KIF1B: variants seen among roughly 807,000 people sequenced by gnomAD.
The protein encoded by KIF1B is kinesin-like protein KIF1B.
KIF1B carries 76 observed loss-of-function variants against 241.9 expected under a neutral mutation model. The ratio of observed to expected loss-of-function variants is 0.31; its 90% confidence interval spans 0.26 to 0.38. KIF1B has a LOEUF of 0.38. Ranked by LOEUF, KIF1B falls within the 10% of genes least tolerant of loss-of-function variation. The pLI, the probability that KIF1B is intolerant of heterozygous loss-of-function variation, is 1.00. For missense variants in KIF1B, 1,622 were observed against 2,271.4 expected, an observed-to-expected ratio of 0.71 and a Z score of 5.81; for synonymous variants, 750 against 796.7, an observed-to-expected ratio of 0.94 and a Z score of 0.99.
Position 10,296,654 on chromosome 1 carries a change from A to T in KIF1B, c.1850A>T (p.Gln617Leu). The change falls in exon 20 of 49, where the codon CAG (glutamine) becomes CTG (leucine). Residue 617 changes from glutamine (Q) to leucine (L), a missense_variant. Physicochemically the swap from Gln to Leu is moderately radical, Grantham distance 113. This residue lies in a region of KIF1B where 803 missense variants were observed against 1,112.0 expected (regional missense o/e 0.72). Coordinates refer to ENST00000676179, the MANE Select transcript of KIF1B (RefSeq NM_001365951.3). ...VNGKRVSQPV[Q>L]LRSGNRIIMG... ...GGCAAGAGGGTGTCCCAGCCTGTTC[A>T]GCTGCGCTCAGGTGAGACTGGGAGA... 1 of 1,613,948 alleles carries T rather than the reference A, an allele frequency of 6.2e-7. No homozygotes were observed. The highest frequency in any genetic ancestry group is 8.5e-7 in the Non-Finnish European group (1 of 1,179,878).
Position 10,279,115 on chromosome 1 carries a change from A to T in KIF1B, c.1199A>T (p.Asp400Val). 1 of 1,547,522 alleles carries T rather than the reference A, an allele frequency of 6.5e-7. No homozygotes were observed. Among genetic ancestry groups the T allele is most frequent in the Non-Finnish European group, 8.7e-7 (1 of 1,144,344 alleles). Residue 400 changes from aspartate (D) to valine (V), a missense_variant, in exon 14 of 49, where the codon GAT (aspartate) becomes GTT (valine). Coordinates refer to ENST00000676179, the MANE Select transcript of KIF1B (RefSeq NM_001365951.3). Reference sequence around the variant, plus strand: ...CCTTCAGTTGATCCATTGATCGATGATTACTCTGGAAGTGGAAGCAAATGT... The same window carrying T: ...CCTTCAGTTGATCCATTGATCGATGTTTACTCTGGAAGTGGAAGCAAATGT... ...DIIDIDPLID[D>V]YSGSGSKYLK...
rs144564345 is a variant in KIF1B at position 10,323,970 on chromosome 1, T to C, written c.2445T>C (p.His815=). Residue 815 remains histidine (H), a synonymous_variant, in exon 25 of 49, where the codon CAT becomes CAC. Coordinates refer to ENST00000676179, the MANE Select transcript of KIF1B (RefSeq NM_001365951.3). ...ELLPTEMEKT[H]EDRPFPRTVV... ...TTCCCACTGAGATGGAAAAAACTCA[T>C]GAGGACAGGCCTTTCCCTCGCACAG... 4.3e-6 allele frequency: 7 copies of C among 1,614,044 alleles called. No individual in the cohort carries two copies. The highest frequency in any genetic ancestry group is 5.9e-6 in the Non-Finnish European group (7 of 1,179,996).
rs938626014 is a variant in KIF1B at position 10,374,747 on chromosome 1, T to G, written c.5097-107T>G. 2.7e-5 allele frequency: 31 copies of G among 1,127,914 alleles called. No individual in the cohort carries two copies. Among genetic ancestry groups the G allele is most frequent in the South Asian group, 7.7e-5 (6 of 78,020 alleles). 69.9% of individuals were successfully genotyped at this position (1,127,914 alleles called of 1,614,324 possible). On this transcript the variant is annotated intron_variant, in intron 46 of 48. Transcript: ENST00000676179. The surrounding 1 kb of genome is among the most constrained non-coding windows in gnomAD (Gnocchi z 4.3). ...TAGGCCAAATAGGTCATTTGCCTGT[T>G]TCATCGAATCTAAGGACTTGGCCTA...
intron 2 of KIF1B, among the ~76,000 whole-genome samples, chr1:10,239,994 C>T (rs1304877188): frequency 6.6e-6 from 1 of 152,064 alleles, no homozygotes; most frequent in Non-Finnish European, 1.5e-5. Flanking sequence ...TCTTGGTCTC[C>T]TGACCTCGTG....
At chr1:10,317,569 C>G (rs1651353957) in intron 22 of KIF1B, among the ~76,000 whole-genome samples, 1 of 151,382 alleles carries the variant, frequency 6.6e-6, no homozygotes, top group African/African-American at 2.5e-5. Flanking sequence ...CACTGGCTCA[C>G]ATCTATAATC....
chr1:10,375,835 G>A (rs1638872261), intron 48 of KIF1B, among the ~76,000 whole-genome samples: 1 of 114,828 alleles, frequency 8.7e-6, no homozygotes, highest in South Asian at 2.8e-4. Context: ...GCTCTTGTGT[G>A]GCCCAGGCTG....
intron 5 of KIF1B, among the ~76,000 whole-genome samples, chr1:10,265,806 A>C (rs1648427994): frequency 6.6e-6 from 1 of 152,112 alleles, no homozygotes; most frequent in South Asian, 2.1e-4. Flanking sequence ...GCCATGTTTG[A>C]GCCACTGCAC....
intron 11 of KIF1B, among the ~76,000 whole-genome samples, 194 bp downstream of exon 11, chr1:10,275,697 T>G (rs1649061773): frequency 6.6e-6 from 1 of 152,170 alleles, no homozygotes; most frequent in Non-Finnish European, 1.5e-5. Context: ...CAGGGTATAC[T>G]CCCATATCTC....
chr1:10,225,272 G>T (rs981293711), intron 1 of KIF1B, among the ~76,000 whole-genome samples: 9 of 152,004 alleles, frequency 5.9e-5, no homozygotes, highest in Non-Finnish European at 1.3e-4. Context: ...AGCTGAGATG[G>T]TTCCACTGCA....
At chr1:10,344,245 C>T (rs1039875721) in intron 34 of KIF1B, among the ~76,000 whole-genome samples, 2 of 152,232 alleles carry the variant, frequency 1.3e-5, no homozygotes, top group Admixed American at 1.3e-4. Flanking sequence ...TTTTCTCTTT[C>T]TGCCAGTTCC....
chr1:10,357,858 A>G (rs1051871338), intron 38 of KIF1B, among the ~76,000 whole-genome samples: 1 of 151,942 alleles, frequency 6.6e-6, no homozygotes, highest in Non-Finnish European at 1.5e-5. Flanking sequence ...AAAATAAAAA[A>G]ATTAGCCAGA....
chr1:10,282,137 G>A (rs1649434508), intron 14 of KIF1B, among the ~76,000 whole-genome samples, 185 bp from the exon 15 acceptor site: 1 of 152,176 alleles, frequency 6.6e-6, no homozygotes, highest in South Asian at 2.1e-4. Flanking sequence ...CACTATTAAA[G>A]ACAGACATGT....
At position 10,320,056 on chromosome 1, in the gene KIF1B, A is replaced by G; in HGVS notation, c.2129A>G (p.Lys710Arg). 1 of 1,612,436 alleles carries G rather than the reference A, an allele frequency of 6.2e-7. No individual in the cohort carries two copies. The highest frequency in any genetic ancestry group is 1.1e-5 in the South Asian group (1 of 91,028). The change falls in exon 23 of 49, where the codon AAA becomes AGA. Residue 710 changes from lysine to arginine, a missense_variant. Physicochemically the swap from Lys to Arg is conservative, Grantham distance 26 (BLOSUM62 2). Transcript: ENST00000676179. ...CTTTTCATTCAGGACTATGAGAGTAAATTGCAGGCCTTGCAGAAGCAGGTT... is the reference window on the plus strand; with the variant it reads ...CTTTTCATTCAGGACTATGAGAGTAGATTGCAGGCCTTGCAGAAGCAGGTT... ...LEQQRLDYES[K>R]LQALQKQVET...
Position 10,303,449 on chromosome 1 carries a change from G to A in KIF1B, c.2115+6203G>A. ...GTTGCTCTCAATGACTTCAGGCACA[G>A]TCGGCAGGAGATTGAAGCCCTGGCC... On this transcript the variant is annotated intron_variant, in intron 22 of 48. Coordinates refer to ENST00000676179, the MANE Select transcript of KIF1B (RefSeq NM_001365951.3). The surrounding 1 kb of genome is among the most constrained non-coding windows in gnomAD (Gnocchi z 5.2). 1 of 1,614,210 alleles carries A rather than the reference G, an allele frequency of 6.2e-7. No individual in the cohort carries two copies. The highest frequency in any genetic ancestry group is 1.1e-5 in the South Asian group (1 of 91,090).
At chr1:10,307,712 G>A (rs927462726) in intron 22 of KIF1B, 4 of 1,026,252 alleles carry the variant, frequency 3.9e-6, no homozygotes, top group East Asian at 1.3e-4. Flanking sequence ...GGTATCCCTA[G>A]CTATTATTAT....
chr1:10,220,809 C>G (rs1413260838), intron 1 of KIF1B, among the ~76,000 whole-genome samples: 1 of 151,006 alleles, frequency 6.6e-6, no homozygotes, highest in Non-Finnish European at 1.5e-5. Flanking sequence ...ATTACAGGTG[C>G]CTGCCGCCAA....
chr1:10,242,761 C>T (rs1270153961), intron 2 of KIF1B, among the ~76,000 whole-genome samples: 6 of 152,054 alleles, frequency 3.9e-5, no homozygotes, highest in Admixed American at 2.0e-4. Flanking sequence ...GTGATCTGCC[C>T]GCCTCAGCCT....
At chr1:10,318,881 C>T (rs1055581384) in intron 22 of KIF1B, among the ~76,000 whole-genome samples, 5 of 152,096 alleles carry the variant, frequency 3.3e-5, no homozygotes, top group African/African-American at 1.2e-4. Flanking sequence ...ACTTTTTAGA[C>T]ATTTGTCCCC....
chr1:10,302,351 C>T (rs7538570), intron 22 of KIF1B, among the ~76,000 whole-genome samples: 2 of 152,118 alleles, frequency 1.3e-5, no homozygotes, highest in African/African-American at 2.4e-5. Context: ...ACACTTTAAT[C>T]GTACGACGGA....
Sources: allele counts gnomAD v4.1 joint callset (sites outside exome capture counted in the v4.1 genomes callset), GRCh38; gene constraint gnomAD v4.1.1; regional missense constraint gnomAD v4.1.1; non-coding constraint Gnocchi (gnomAD v3.1); transcripts MANE v1.5; gene names NCBI Gene and HGNC (gene_info 2026-07-23, HGNC 2026-07-21).